The following PARD3 variants were observed in gnomAD, a reference collection of about 807,000 sequenced individuals.
The protein encoded by PARD3 is partitioning defective 3 homolog.
In PARD3, 75 loss-of-function variants were observed where a neutral mutation model predicts 155.4. The ratio of observed to expected loss-of-function variants is 0.48; its 90% CI spans 0.40 to 0.58. The LOEUF (loss-of-function observed/expected upper bound fraction) is 0.58, where lower values mean the gene tolerates loss of function less well. PARD3 is among the 20% of genes least tolerant of loss of function. PARD3 has a pLI of 0.00. For synonymous variants in PARD3, 576 were observed against 610.5 expected, an observed-to-expected ratio of 0.94 and a Z score of 0.83; for missense variants, 1,642 against 1,721.7, an observed-to-expected ratio of 0.95 and a Z score of 0.82.
intron 1 of PARD3, among the ~76,000 whole-genome samples, chr10:34,756,701 G>A (rs541751444): frequency 4.0e-5 from 6 of 151,832 alleles, no homozygotes; most frequent in Admixed American, 3.3e-4. Context: ...CAATCCTCCC[G>A]CCTCAGCCTC....
chr10:34,216,878 T>C (rs961927207), intron 22 of PARD3, among the ~76,000 whole-genome samples: 1 of 152,244 alleles, frequency 6.6e-6, no homozygotes, highest in African/African-American at 2.4e-5. Context: ...AGGAAACTGC[T>C]TGGGTCCACA....
At chr10:34,418,150 G>T (rs1845849388) in intron 5 of PARD3, among the ~76,000 whole-genome samples, 1 of 152,014 alleles carries the variant, frequency 6.6e-6, no homozygotes, top group African/African-American at 2.4e-5. Flanking sequence ...AAGTGCCATG[G>T]ATGATTATAT....
In PARD3 at chr10:34,284,159, A is replaced by G; in HGVS notation, c.3152T>C (p.Ile1051Thr). 1.2e-6 allele frequency: 2 copies of G among 1,602,084 alleles called. No individual in the cohort carries two copies. The highest frequency in any genetic ancestry group is 1.7e-6 in the Non-Finnish European group (2 of 1,173,072). The change falls in exon 21 of 25, where the codon ATA becomes ACA. Residue 1051 changes from isoleucine to threonine, a missense_variant. Ile to Thr is a moderately conservative substitution (Grantham distance 89, BLOSUM62 -1). This residue lies in a region of PARD3 where 1,529 missense variants were observed against 1,587.3 expected (regional missense o/e 0.96). Transcript: ENST00000374788. ...CCTCTCCTGCTCCTGCTTCATTCGT[A>G]TCCTCTCCTCTTCTGATGTAAAGGA... is the stretch of plus-strand genomic sequence containing the variant. ...QESFTSEEER[I>T]RMKQEQERIQ...
At chr10:34,595,292 C>T (rs1382784738) in intron 2 of PARD3, among the ~76,000 whole-genome samples, 1 of 152,136 alleles carries the variant, frequency 6.6e-6, no homozygotes, top group African/African-American at 2.4e-5. Context: ...GATTCATGAA[C>T]TGAAACTACA....
intron 20 of PARD3, among the ~76,000 whole-genome samples, chr10:34,305,516 C>G (rs187116699): frequency 6.6e-6 from 1 of 152,216 alleles, no homozygotes; most frequent in Non-Finnish European, 1.5e-5. Context: ...TAGACTCTGA[C>G]GTTTTCAGGC....
chr10:34,306,932 A>C (rs1229895251), intron 20 of PARD3, among the ~76,000 whole-genome samples: 1 of 151,426 alleles, frequency 6.6e-6, no homozygotes, highest in East Asian at 2.0e-4. Context: ...TGTCCCCCAC[A>C]CTGGAGTGCA....
intron 2 of PARD3, among the ~76,000 whole-genome samples, chr10:34,690,713 G>A (rs1269383278): frequency 3.3e-5 from 5 of 152,150 alleles, no homozygotes; most frequent in African/African-American, 4.8e-5. Context: ...CAAAGTCAAG[G>A]TGTAAAGAAG....
intron 2 of PARD3, among the ~76,000 whole-genome samples, chr10:34,687,931 T>C (rs1050751650): frequency 1.4e-5 from 2 of 139,848 alleles, no homozygotes; most frequent in Non-Finnish European, 3.0e-5. Context: ...CATGGCTCAC[T>C]GCAGCCTCAA....
chr10:34,791,536 GA>G (rs1841614498), intron 1 of PARD3, among the ~76,000 whole-genome samples: 1 of 152,114 alleles, frequency 6.6e-6, no homozygotes, highest in African/African-American at 2.4e-5. Context: ...AAGACGCGGG[GA>G]CATGTGGCAA....
intron 23 of PARD3, among the ~76,000 whole-genome samples, chr10:34,129,111 A>C (rs1002065950): frequency 6.6e-6 from 1 of 152,064 alleles, no homozygotes; most frequent in Non-Finnish European, 1.5e-5. Flanking sequence ...TTAAACTTTC[A>C]TTTCATCCAA....
chr10:34,513,188 A>G (rs1481085876), intron 3 of PARD3, among the ~76,000 whole-genome samples: 1 of 152,212 alleles, frequency 6.6e-6, no homozygotes, highest in African/African-American at 2.4e-5. Flanking sequence ...AAAAGATAAT[A>G]TAGTTCCAAC....
At chr10:34,712,192 G>T (rs865847769) in intron 1 of PARD3, among the ~76,000 whole-genome samples, 1 of 152,160 alleles carries the variant, frequency 6.6e-6, no homozygotes, top group African/African-American at 2.4e-5. Flanking sequence ...ACGAACAGTG[G>T]GTAGTATTGT....
At chr10:34,177,563 T>C (rs954340665) in intron 22 of PARD3, among the ~76,000 whole-genome samples, 3 of 152,238 alleles carry the variant, frequency 2.0e-5, no homozygotes, top group African/African-American at 7.2e-5. Context: ...TTTGGTCTGC[T>C]CACTGGGTTG....
chr10:34,113,526 GAC>G (rs1389626455), intron 24 of PARD3, among the ~76,000 whole-genome samples: 4 of 149,738 alleles, frequency 2.7e-5, no homozygotes, highest in East Asian at 1.9e-4. Flanking sequence ...CACACACATA[GAC>G]ACACACACAC....
chr10:34,112,189 ATCCAGAT>A (rs1426205685), intron 24 of PARD3, among the ~76,000 whole-genome samples: 1 of 152,224 alleles, frequency 6.6e-6, no homozygotes, highest in Non-Finnish European at 1.5e-5. Context: ...ATACCTGCTC[ATCCAGAT>A]TGGACGGAGA....
intron 2 of PARD3, among the ~76,000 whole-genome samples, chr10:34,621,825 T>C (rs1010753554): frequency 2.6e-5 from 4 of 152,220 alleles, no homozygotes; most frequent in African/African-American, 9.6e-5. Context: ...AACTTCATAG[T>C]ACCAAAACTG....
chr10:34,672,257 T>G (rs2093623701), intron 2 of PARD3, among the ~76,000 whole-genome samples: 1 of 152,118 alleles, frequency 6.6e-6, no homozygotes, highest in Admixed American at 6.5e-5. Flanking sequence ...TAAGATCGAG[T>G]ACAACCCTGA....
At chr10:34,779,958 T>A (rs1840058452) in intron 1 of PARD3, among the ~76,000 whole-genome samples, 1 of 152,194 alleles carries the variant, frequency 6.6e-6, no homozygotes, top group Non-Finnish European at 1.5e-5. Context: ...TGCTCGGAAG[T>A]AAACAATGAC....
chr10:34,124,344 T>C (rs1370802563), intron 23 of PARD3, among the ~76,000 whole-genome samples: 1 of 152,218 alleles, frequency 6.6e-6, no homozygotes, highest in African/African-American at 2.4e-5. Flanking sequence ...ACATGAGCTG[T>C]GACCCTAATA....
Sources: allele counts gnomAD v4.1 joint callset (sites outside exome capture counted in the v4.1 genomes callset), GRCh38; gene constraint gnomAD v4.1.1; regional missense constraint gnomAD v4.1.1; transcripts MANE v1.5; gene names NCBI Gene and HGNC (gene_info 2026-07-23, HGNC 2026-07-21).